KPNB1: variants seen among roughly 807,000 people sequenced by gnomAD.
The protein encoded by KPNB1 is karyopherin subunit beta 1.
A neutral mutation model predicts 113.0 loss-of-function variants in KPNB1; 7 were observed. The observed-to-expected ratio is 0.06, with a 90% CI of 0.04 to 0.12. The LOEUF (loss-of-function observed/expected upper bound fraction) is 0.12. Ranked by LOEUF, KPNB1 falls within the 10% of genes least tolerant of loss-of-function variation. The pLI is 1.00. For missense variants in KPNB1, 400 were observed against 1,054.8 expected, an observed-to-expected ratio of 0.38 and a Z score of 8.60; for synonymous variants, 363 against 378.6, an observed-to-expected ratio of 0.96 and a Z score of 0.48.
At chr17:47,675,372 G>GTTGTTTTT (rs2030577407) in intron 15 of KPNB1, among the ~76,000 whole-genome samples, 1 of 86,094 alleles carries the variant, frequency 1.2e-5, no homozygotes, top group South Asian at 3.9e-4. Flanking sequence ...TTTTTTTTTT[G>GTTGTTTTT]TTTTTTTTTT....
intron 21 of KPNB1, among the ~76,000 whole-genome samples, chr17:47,681,012 C>T (rs147421799): frequency 2.6e-5 from 4 of 152,086 alleles, no homozygotes; most frequent in Non-Finnish European, 2.9e-5. Context: ...TGCTTTTAGA[C>T]GTTGCCTAGC....
In KPNB1 at chr17:47,673,383, G is replaced by T. The variant is rs548286276; in HGVS notation, c.1696-107G>T. 9.0e-5 allele frequency: 92 copies of T among 1,027,624 alleles called. 2 individuals carry two copies. In the South Asian group the frequency reaches 1.1e-3, roughly 12 times the overall value. The allele number at this position is 1,027,624 out of a possible 1,614,324, so 63.7% of individuals were successfully genotyped here. A position where few individuals can be genotyped will look rare whatever the true frequency, so the allele number is the denominator to read the frequency against. ...ACACTATATGTATTATGGGTTTTTT[G>T]TTGCTGTTGTTTACTTTCCTATGTT... On this transcript the variant is annotated intron_variant, in intron 13 of 21. Coordinates refer to ENST00000290158, the MANE Select transcript of KPNB1 (RefSeq NM_002265.6).
chr17:47,670,830 C>T lies in KPNB1; in HGVS notation c.1545C>T (p.Asp515=), dbSNP rs2030422609. ...TTCAGAAGCTCCTAGAGACTACAGA[C>T]AGGTAACTGATATTTCACAGAAATG... ...LIVQKLLETT[D]RPDGHQNNLR... is the part of the protein sequence containing the mutation. Residue 515 remains aspartate, a splice_region_variant and synonymous_variant, in exon 12 of 22, where the codon GAC becomes GAT. Coordinates refer to ENST00000290158, the MANE Select transcript of KPNB1 (RefSeq NM_002265.6). 1.9e-6 allele frequency: 3 copies of T among 1,598,870 alleles called. No homozygotes were observed. Among genetic ancestry groups the T allele is most frequent in the Admixed American group, 3.4e-5 (2 of 59,394 alleles).
intron 3 of KPNB1, among the ~76,000 whole-genome samples, chr17:47,656,173 C>T (rs1004982125): frequency 3.9e-5 from 6 of 152,032 alleles, no homozygotes; most frequent in Admixed American, 2.0e-4. Flanking sequence ...GCAGGAGAAT[C>T]GCTTGAACCC....
Position 47,669,843 on chromosome 17 carries a change from C to T in KPNB1, c.1390C>T (p.Pro464Ser). The T allele has an allele frequency of 1.2e-6, 2 of 1,609,570 alleles. No homozygotes were observed. Among genetic ancestry groups the T allele is most frequent in the Non-Finnish European group, 8.5e-7 (1 of 1,176,088 alleles). ...QCLIEGLSAE[P>S]RVASNVCWAF... ...TCTGATTGAGGGTCTCAGTGCTGAA[C>T]CCAGAGTGGCTTCAAATGTGTGCTG... Residue 464 changes from proline (P) to serine (S), a missense_variant, in exon 11 of 22, where the codon CCC (proline) becomes TCC (serine). Coordinates refer to ENST00000290158, the MANE Select transcript of KPNB1 (RefSeq NM_002265.6).
At chr17:47,660,115 A>G (rs1411329344) in intron 5 of KPNB1, among the ~76,000 whole-genome samples, 4 of 152,010 alleles carry the variant, frequency 2.6e-5, no homozygotes, top group Admixed American at 2.6e-4. Flanking sequence ...ACAACTCCTC[A>G]TTTCCCCCTT....
chr17:47,665,497 C>A (rs929457421), intron 9 of KPNB1, among the ~76,000 whole-genome samples: 7 of 152,130 alleles, frequency 4.6e-5, no homozygotes, highest in African/African-American at 1.4e-4. Context: ...TGGTTTTAGG[C>A]CACTTGCGTA....
In KPNB1 at chr17:47,649,973, GC is replaced by G; in HGVS notation, c.-270del. ...GCCTCCCTTCCTTCTTTCTCCCTCC[GC>G]CTCCCGAGCACCAGCGCGCTCTGAG... On this transcript the variant is annotated 5_prime_UTR_variant, in exon 1 of 22. Transcript: ENST00000290158. 9 of 1,307,722 alleles carry G rather than the reference GC, an allele frequency of 6.9e-6. No homozygotes were observed. Among genetic ancestry groups the G allele is most frequent in the Admixed American group, 4.0e-5 (1 of 24,744 alleles). 81.0% of individuals were successfully genotyped at this position (1,307,722 alleles called of 1,614,324 possible).
chr17:47,681,230 C>T (rs1029573272), intron 21 of KPNB1, among the ~76,000 whole-genome samples: 4 of 149,898 alleles, frequency 2.7e-5, no homozygotes, highest in Non-Finnish European at 4.4e-5. Flanking sequence ...CCACCACACC[C>T]GACTAATTTT....
At chr17:47,669,421 G>A (rs1410112520) in intron 10 of KPNB1, among the ~76,000 whole-genome samples, 1 of 152,024 alleles carries the variant, frequency 6.6e-6, no homozygotes, top group South Asian at 2.1e-4. Context: ...CATCATGCCC[G>A]GCCTCTATCT....
At chr17:47,675,385 G>GTTTT (rs1462077639) in intron 15 of KPNB1, among the ~76,000 whole-genome samples, 5 of 82,108 alleles carry the variant, frequency 6.1e-5, no homozygotes, top group African/African-American at 2.3e-4. Context: ...TTTTTTTTTT[G>GTTTT]TTTGTTTTTT....
intron 9 of KPNB1, among the ~76,000 whole-genome samples, chr17:47,666,347 C>T (rs2030268274): frequency 6.6e-6 from 1 of 150,668 alleles, no homozygotes; most frequent in Non-Finnish European, 1.5e-5. Context: ...GCCACTGTGC[C>T]TGGCCTATAG....
In KPNB1 at chr17:47,663,105, T is replaced by C. The variant is rs1264584571; in HGVS notation, c.713T>C (p.Leu238Ser). The part of the protein sequence containing the change: ...CPDTRVRVAA[L>S]QNLVKIMSLY... ...TCATAAAAGGTACGAGTGGCTGCTT[T>C]ACAGAATCTGGTGAAGATAATGTCC... is the stretch of plus-strand genomic sequence containing the variant. Residue 238 changes from leucine (L) to serine (S), a missense_variant, in exon 7 of 22, where the codon TTA becomes TCA. By Grantham distance (145) the Leu-to-Ser change is moderately radical (BLOSUM62 -2). This residue lies in a region of KPNB1 where 285 missense variants were observed against 627.0 expected (regional missense o/e 0.45). Transcript: ENST00000290158. The C allele has an allele frequency of 6.3e-7, 1 of 1,594,016 alleles. No homozygotes were observed.
intron 13 of KPNB1, 55 bp downstream of exon 13, chr17:47,673,220 A>G (rs1199554654): frequency 6.6e-7 from 1 of 1,526,028 alleles, no homozygotes; most frequent in East Asian, 2.3e-5. Context: ...TACTTTTGAC[A>G]CCTAGGTCTG....
At chr17:47,650,365 C>T (rs1243773133) in intron 1 of KPNB1, 21 bp from the exon 2 acceptor site, 3 of 1,611,586 alleles carry the variant, frequency 1.9e-6, no homozygotes, top group African/African-American at 1.3e-5. Flanking sequence ...CCCGCTCCGT[C>T]TCCCACTTTC....
chr17:47,658,888 C>G (rs1302068481), intron 5 of KPNB1, among the ~76,000 whole-genome samples: 1 of 152,024 alleles, frequency 6.6e-6, no homozygotes, highest in Non-Finnish European at 1.5e-5. Flanking sequence ...TAGGTTTTTC[C>G]TTTTGCAGTC....
chr17:47,650,397 C>T lies in KPNB1; in HGVS notation c.52C>T (p.Leu18=). 5 of 1,610,664 alleles carry T rather than the reference C, an allele frequency of 3.1e-6. No homozygotes were observed. Among genetic ancestry groups the T allele is most frequent in the Non-Finnish European group, 4.2e-6 (5 of 1,179,302 alleles). Residue 18 remains leucine, a synonymous_variant, in exon 2 of 22, where the codon CTG becomes TTG. Coordinates refer to ENST00000290158, the MANE Select transcript of KPNB1 (RefSeq NM_002265.6). The part of the protein sequence containing the change: ...EKTVSPDRLE[L]EAAQKFLERA... ...TTTCCTCCCCCTAGATCGGCTGGAG[C>T]TGGAAGCGGCGCAGAAGTTCCTGGA...
intron 3 of KPNB1, among the ~76,000 whole-genome samples, chr17:47,653,523 T>C (rs1044759455): frequency 6.6e-6 from 1 of 152,216 alleles, no homozygotes; most frequent in East Asian, 1.9e-4. Flanking sequence ...ATTACAGGAG[T>C]GAGCCACCTC....
Position 47,682,406 on chromosome 17 carries a change from C to T in KPNB1, c.*2C>T. On this transcript the variant is annotated splice_region_variant and 3_prime_UTR_variant, in exon 22 of 22. Coordinates refer to ENST00000290158, the MANE Select transcript of KPNB1 (RefSeq NM_002265.6). ...CCTTTTTTTCCATCTGTTTTCAGATCTGTTACCATTGGGATGATAACCTGA... is the reference window on the plus strand; with the variant it reads ...CCTTTTTTTCCATCTGTTTTCAGATTTGTTACCATTGGGATGATAACCTGA... 1 of 780,798 alleles carries T rather than the reference C, an allele frequency of 1.3e-6. No homozygotes were observed. The allele number at this position is 780,798 out of a possible 1,614,324, so 48.4% of individuals were successfully genotyped here.
Sources: gnomAD v4.1 joint callset for allele counts (sites outside exome capture counted in the v4.1 genomes callset) on GRCh38, gnomAD v4.1.1 for gene constraint, gnomAD v4.1.1 regional missense constraint, MANE v1.5 for transcripts, NCBI Gene and HGNC (gene_info 2026-07-23, HGNC 2026-07-21) for gene names.